Variants in TCF7L2 observed in about 807,000 individuals in gnomAD.
TCF7L2 encodes the protein transcription factor 7 like 2, also known as transcription factor 7-like 2.
Under a neutral mutation model 77.9 loss-of-function variants are expected in TCF7L2, and 23 were observed. The observed-to-expected ratio is 0.30, with a 90% confidence interval of 0.21 to 0.42. TCF7L2 has a LOEUF of 0.42. TCF7L2 is among the 10% of genes least tolerant of loss of function. TCF7L2 has a pLI of 1.00. For missense variants in TCF7L2, 654 were observed against 793.1 expected, an observed-to-expected ratio of 0.82 and a Z score of 2.11; for synonymous variants, 413 against 340.2, an observed-to-expected ratio of 1.21 and a Z score of -2.36.
intron 5 of TCF7L2, among the ~76,000 whole-genome samples, chr10:113,137,485 G>A (rs1250598197): frequency 1.3e-5 from 2 of 152,176 alleles, no homozygotes; most frequent in Admixed American, 6.5e-5. Context: ...GAGGGAGGTC[G>A]AACAGCCAAC....
At chr10:113,141,057 AG>A in intron 5 of TCF7L2, 126 bp from the exon 6 acceptor site, 3 of 1,139,800 alleles carry the variant, frequency 2.6e-6, no homozygotes, top group Non-Finnish European at 2.5e-6. Flanking sequence ...GGATGGGCAG[AG>A]TTGAGTGCAT....
chr10:113,073,847 G>A (rs1037783179), intron 5 of TCF7L2, among the ~76,000 whole-genome samples: 2 of 152,198 alleles, frequency 1.3e-5, no homozygotes, highest in Admixed American at 6.5e-5. Context: ...CCATCCTTGC[G>A]GCCTGGACGA....
At position 113,165,928 on chromosome 10, in the gene TCF7L2, A is replaced by ACCCAGC; in HGVS notation, c.1773_1778dup (p.Gln592_Pro593dup). 6.4e-7 allele frequency: 1 copy of ACCCAGC among 1,556,990 alleles called. No individual in the cohort carries two copies. Among genetic ancestry groups the ACCCAGC allele is most frequent in the Non-Finnish European group, 8.7e-7 (1 of 1,149,838 alleles). ...ACATTCCCACAGCTCCCTGGCCGGG[A>ACCCAGC]CCCAGCCCCAGCCGCTGTCGCTCGT... On this transcript the variant is annotated inframe_insertion, in exon 14 of 14. Coordinates refer to ENST00000627217, the MANE Select transcript of TCF7L2 (RefSeq NM_001146274.2).
intron 5 of TCF7L2, among the ~76,000 whole-genome samples, chr10:113,078,556 T>A (rs2058973086): frequency 6.6e-6 from 1 of 152,110 alleles, no homozygotes; most frequent in African/African-American, 2.4e-5. Flanking sequence ...TAAAAAATTT[T>A]TTTTGCAGAG....
At chr10:113,082,343 A>ATTT (rs80299567) in intron 5 of TCF7L2, among the ~76,000 whole-genome samples, 1 of 151,472 alleles carries the variant, frequency 6.6e-6, no homozygotes, top group Non-Finnish European at 1.5e-5. Context: ...ACTTGAAAAA[A>ATTT]ATTATCTTTA....
At chr10:113,029,361 C>A (rs1014665399) in intron 4 of TCF7L2, among the ~76,000 whole-genome samples, 7 of 152,086 alleles carry the variant, frequency 4.6e-5, no homozygotes, top group African/African-American at 1.4e-4. Flanking sequence ...GTAAGCATCC[C>A]TCCCCGAGAT....
chr10:113,033,895 T>A (rs1281310774), intron 4 of TCF7L2, among the ~76,000 whole-genome samples: 1 of 152,234 alleles, frequency 6.6e-6, no homozygotes, highest in African/African-American at 2.4e-5. Flanking sequence ...TTCACAGAGT[T>A]TCAGTGTTAG....
chr10:113,123,427 C>T (rs2065097384), intron 5 of TCF7L2, among the ~76,000 whole-genome samples: 1 of 152,272 alleles, frequency 6.6e-6, no homozygotes, highest in Middle Eastern at 3.4e-3. Context: ...AATCTTTAGT[C>T]GGATACACAT....
At position 113,158,059 on chromosome 10, in the gene TCF7L2, A is replaced by T. The variant is rs2137364038; in HGVS notation, c.1308A>T (p.Gly436=). Residue 436 remains glycine (G), a synonymous_variant, in exon 12 of 14, where the codon GGA becomes GGT. Transcript: ENST00000627217. ...AGAGGAAAAGGGACAAGCAGCCGGG[A>T]GAGACCAATGGTAAGTGACAATCAT... The T allele has an allele frequency of 1.3e-6, 2 of 1,598,612 alleles. No individual in the cohort carries two copies. The highest frequency in any genetic ancestry group is 1.7e-6 in the Non-Finnish European group (2 of 1,171,712).
chr10:113,105,135 G>A (rs2062128515), intron 5 of TCF7L2, among the ~76,000 whole-genome samples: 1 of 152,178 alleles, frequency 6.6e-6, no homozygotes. Flanking sequence ...TGACATGACA[G>A]GGACTCCAGC....
intron 4 of TCF7L2, among the ~76,000 whole-genome samples, chr10:112,969,651 A>G (rs889811168): frequency 1.3e-5 from 2 of 152,132 alleles, no homozygotes; most frequent in Non-Finnish European, 1.5e-5. Context: ...TGAGCAGTAA[A>G]TTTATCTAGG....
At chr10:113,082,336 TG>T (rs914352037) in intron 5 of TCF7L2, among the ~76,000 whole-genome samples, 2 of 47,610 alleles carry the variant, frequency 4.2e-5, no homozygotes, top group African/African-American at 2.3e-4. Flanking sequence ...ATTCCAAACT[TG>T]AAAAAAATTA....
intron 4 of TCF7L2, among the ~76,000 whole-genome samples, chr10:112,973,839 C>T (rs1432711668): frequency 8.5e-5 from 13 of 152,304 alleles, no homozygotes; most frequent in Admixed American, 4.6e-4. Context: ...ATCTGCCCGC[C>T]TTGGCCTCCC....
intron 4 of TCF7L2, among the ~76,000 whole-genome samples, chr10:113,024,282 A>G (rs2048740169): frequency 6.6e-6 from 1 of 152,110 alleles, no homozygotes; most frequent in African/African-American, 2.4e-5. Context: ...AGCCTGGACA[A>G]CAAAGCGAGA....
chr10:113,102,309 C>A (rs1312709630), intron 5 of TCF7L2, among the ~76,000 whole-genome samples: 1 of 151,770 alleles, frequency 6.6e-6, no homozygotes, highest in Non-Finnish European at 1.5e-5. Flanking sequence ...ATCATAAAAC[C>A]AGGACATTAT....
Sources: allele counts gnomAD v4.1 joint callset (sites outside exome capture counted in the v4.1 genomes callset), GRCh38; gene constraint gnomAD v4.1.1; transcripts MANE v1.5; gene names NCBI Gene and HGNC (gene_info 2026-07-23, HGNC 2026-07-21).